LIN28B: variants seen among roughly 807,000 people sequenced by gnomAD.
The protein encoded by LIN28B is protein lin-28 homolog B.
Under a neutral mutation model 21.9 loss-of-function variants are expected in LIN28B, and 5 were observed. The ratio of observed to expected loss-of-function variants is 0.23; its 90% CI spans 0.12 to 0.48. The LOEUF is 0.48. LIN28B is among the 20% of genes least tolerant of loss of function. The pLI, the probability that LIN28B is intolerant of heterozygous loss-of-function variation, is 0.98. For synonymous variants in LIN28B, 109 were observed against 111.3 expected (o/e 0.98, Z 0.13); for missense variants, 245 against 310.5 (o/e 0.79, Z 1.58).
intron 2 of LIN28B, among the ~76,000 whole-genome samples, chr6:105,017,390 T>G (rs1771052154): frequency 6.6e-6 from 1 of 152,188 alleles, no homozygotes; most frequent in Non-Finnish European, 1.5e-5. Flanking sequence ...TCCATCTCTG[T>G]GTCAGCAGAT....
intron 3 of LIN28B, among the ~76,000 whole-genome samples, chr6:105,063,714 G>A (rs1039018683): frequency 6.6e-6 from 1 of 151,770 alleles, no homozygotes; most frequent in Non-Finnish European, 1.5e-5. Flanking sequence ...CACTTGCTGG[G>A]CACAGTGGCA....
chr6:104,978,435 C>CTTG (rs981666614), intron 2 of LIN28B, among the ~76,000 whole-genome samples: 1 of 152,038 alleles, frequency 6.6e-6, no homozygotes, highest in African/African-American at 2.4e-5. Flanking sequence ...TTATCAGCTG[C>CTTG]TTGAATACCT....
At chr6:104,985,072 A>T (rs1770307081) in intron 2 of LIN28B, among the ~76,000 whole-genome samples, 1 of 152,182 alleles carries the variant, frequency 6.6e-6, no homozygotes, top group African/African-American at 2.4e-5. Flanking sequence ...ACCAGTGTGA[A>T]ATCACTGAAT....
intron 2 of LIN28B, among the ~76,000 whole-genome samples, chr6:104,988,047 A>T (rs1327664019): frequency 3.3e-5 from 5 of 152,120 alleles, no homozygotes; most frequent in Non-Finnish European, 5.9e-5. Flanking sequence ...CCCGGCCATC[A>T]ATATTCTTCT....
At chr6:104,966,264 C>T (rs1203813986) in intron 2 of LIN28B, among the ~76,000 whole-genome samples, 1 of 152,148 alleles carries the variant, frequency 6.6e-6, no homozygotes, top group Non-Finnish European at 1.5e-5. Flanking sequence ...TGGTCACTTC[C>T]AGGGAGCTTC....
chr6:105,073,335 AT>A (rs1772368059), intron 3 of LIN28B, among the ~76,000 whole-genome samples: 1 of 151,884 alleles, frequency 6.6e-6, no homozygotes, highest in Non-Finnish European at 1.5e-5. Flanking sequence ...AGTTCCTGTA[AT>A]TTTTTTCAAT....
chr6:105,049,772 C>G (rs928767405), intron 3 of LIN28B, among the ~76,000 whole-genome samples: 23 of 152,104 alleles, frequency 1.5e-4, no homozygotes, highest in African/African-American at 5.6e-4. Flanking sequence ...TTCTTTGTCT[C>G]TTATGATCTT....
intron 3 of LIN28B, among the ~76,000 whole-genome samples, chr6:105,026,827 C>G (rs1327332194): frequency 6.6e-6 from 1 of 152,004 alleles, no homozygotes; most frequent in Non-Finnish European, 1.5e-5. Flanking sequence ...TGAAAATGTA[C>G]CTATTGTTTT....
At chr6:105,029,456 T>G (rs1274501080) in intron 3 of LIN28B, among the ~76,000 whole-genome samples, 1 of 152,064 alleles carries the variant, frequency 6.6e-6, no homozygotes, top group African/African-American at 2.4e-5. Context: ...AAGGCGTAGC[T>G]TATGGGCACA....
rs181792522 is a variant in LIN28B, at chr6:105,068,638, A to G, written c.384-9776A>G. 7.5e-4 allele frequency among the ~76,000 whole-genome samples: 114 copies of G among 152,342 alleles called. 1 individual carries two copies. Among genetic ancestry groups the G allele is most frequent in the African/African-American group, 2.7e-3 (112 of 41,582 alleles). On this transcript the variant is annotated intron_variant, in intron 3 of 3. Transcript: ENST00000345080. ...ACACACGATTTATTATGCAACAGAA[A>G]GAACCAAATGGCAATTATACTAACT...
intron 2 of LIN28B, among the ~76,000 whole-genome samples, chr6:104,984,793 C>A (rs1385424509): frequency 6.6e-6 from 1 of 152,126 alleles, no homozygotes; most frequent in Non-Finnish European, 1.5e-5. Context: ...TAGGTCAGAA[C>A]TTTATTCATT....
chr6:105,067,767 A>G (rs1340507451), intron 3 of LIN28B, among the ~76,000 whole-genome samples: 5 of 152,208 alleles, frequency 3.3e-5, no homozygotes, highest in Non-Finnish European at 7.3e-5. Flanking sequence ...TTGATTTGAC[A>G]CAGAATCTAC....
chr6:105,007,075 TA>T (rs1250787016), intron 2 of LIN28B, among the ~76,000 whole-genome samples: 1 of 152,220 alleles, frequency 6.6e-6, no homozygotes, highest in African/African-American at 2.4e-5. Flanking sequence ...ATGGGATGTC[TA>T]AGGTCTCTTT....
chr6:104,957,425 TTG>T (rs1374029513), intron 1 of LIN28B, among the ~76,000 whole-genome samples, 165 bp downstream of exon 1: 2 of 143,488 alleles, frequency 1.4e-5, no homozygotes, highest in African/African-American at 2.6e-5. Flanking sequence ...TGCAAACCTA[TTG>T]TTATAGATCT....
chr6:104,940,359 G>A (rs751693069), intron 2 of LIN28B: 2 of 156,072 alleles, frequency 1.3e-5, no homozygotes, highest in Non-Finnish European at 2.9e-5. Flanking sequence ...CGCCATGTGA[G>A]CTTCCCTCCC....
intron 3 of LIN28B, among the ~76,000 whole-genome samples, chr6:105,028,207 G>T (rs780473777): frequency 4.0e-5 from 6 of 151,214 alleles, no homozygotes; most frequent in Non-Finnish European, 7.4e-5. Flanking sequence ...GAGAATAGTG[G>T]AGGTTGAGAT....
At chr6:105,015,440 A>G (rs1392202441) in intron 2 of LIN28B, among the ~76,000 whole-genome samples, 4 of 152,024 alleles carry the variant, frequency 2.6e-5, no homozygotes, top group African/African-American at 9.7e-5. Context: ...GTAGATGTAG[A>G]CGGCAAAGAG....
chr6:105,053,714 C>CGTGTGT (rs59369365), intron 3 of LIN28B, among the ~76,000 whole-genome samples: 2,424 of 147,344 alleles, frequency 0.016, 59 homozygotes, highest in African/African-American at 0.053. Context: ...TGTGTGGGTG[C>CGTGTGT]GTGTGTGTGT....
At chr6:104,996,253 A>G (rs1236369134) in intron 2 of LIN28B, among the ~76,000 whole-genome samples, 2 of 152,212 alleles carry the variant, frequency 1.3e-5, no homozygotes, top group African/African-American at 4.8e-5. Context: ...AGAAAGAGGA[A>G]TATAGCAGGG....
Sources: gnomAD v4.1 joint callset for allele counts (sites outside exome capture counted in the v4.1 genomes callset) on GRCh38, gnomAD v4.1.1 for gene constraint, MANE v1.5 for transcripts, NCBI Gene and HGNC (gene_info 2026-07-23, HGNC 2026-07-21) for gene names.